The following OR6B1 variants were observed in gnomAD, a reference collection of about 807,000 sequenced individuals.
OR6B1 encodes olfactory receptor 6B1.
Under a neutral mutation model 15.4 loss-of-function variants are expected in OR6B1, and 15 were observed. That is an observed-to-expected ratio of 0.97 (90% CI 0.65 to 1.50). OR6B1 has a LOEUF of 1.50. Among genes scored for constraint, OR6B1 ranks in the 40% most tolerant of loss-of-function variants. OR6B1 has a pLI of 0.00. For missense variants in OR6B1, 384 were observed against 385.0 expected (o/e 1.00, Z 0.02); for synonymous variants, 139 against 144.9 (o/e 0.96, Z 0.29).
At chr7:144,001,209 T>C (rs960614146) in intron 1 of OR6B1, among the ~76,000 whole-genome samples, 1 of 152,214 alleles carries the variant, frequency 6.6e-6, no homozygotes, top group Non-Finnish European at 1.5e-5. Context: ...GTATGCTTAA[T>C]GGAGTAAAAA....
chr7:144,002,797 G>C (rs1289277950), intron 1 of OR6B1, among the ~76,000 whole-genome samples: 1 of 151,922 alleles, frequency 6.6e-6, no homozygotes, highest in African/African-American at 2.4e-5. Flanking sequence ...GCACCTTCTG[G>C]CCCTGGCTTC....
rs1384509516 is a variant in OR6B1 at position 144,008,533 on chromosome 7, T to A, written c.*3601T>A. ...TCTCATCTTGATTGTAATCCCCACA[T>A]ATCAAAAGGGGAACCTGGTGGGAAG... On this transcript the variant is annotated 3_prime_UTR_variant, in exon 2 of 2. Coordinates refer to ENST00000641698, the MANE Select transcript of OR6B1 (RefSeq NM_001005281.3). 6.6e-6 allele frequency: 1 copy of A among 152,168 alleles called. No homozygotes were observed. The highest frequency in any genetic ancestry group is 1.5e-5 in the Non-Finnish European group (1 of 68,068). The allele number at this position is 152,168 out of a possible 1,614,324, so 9.4% of individuals were successfully genotyped here. A position where few individuals can be genotyped will look rare whatever the true frequency, so the allele number is the denominator to read the frequency against.
rs1288961682 is a variant in OR6B1, at chr7:144,007,131, G to A, written c.*2199G>A. 1 of 152,128 alleles carries A rather than the reference G, an allele frequency of 6.6e-6. No homozygotes were observed. The allele number at this position is 152,128 out of a possible 1,614,324, so 9.4% of individuals were successfully genotyped here. On this transcript the variant is annotated 3_prime_UTR_variant, in exon 2 of 2. Transcript: ENST00000641698. Reference sequence around the variant, plus strand: ...TTCTCATGAATATCTTGGAAAGGGAGAATGTAGAAGTAGGGTTTCTTGGGG... The same window carrying A: ...TTCTCATGAATATCTTGGAAAGGGAAAATGTAGAAGTAGGGTTTCTTGGGG...
rs1019754753 is a variant in OR6B1, at chr7:144,007,468, A to T, written c.*2536A>T. ...GAGAACATGCCCTGAAGATTTGATT[A>T]TCACCATCCAAACTCATAAGGAACC... On this transcript the variant is annotated 3_prime_UTR_variant, in exon 2 of 2. Coordinates refer to ENST00000641698, the MANE Select transcript of OR6B1 (RefSeq NM_001005281.3). 3.9e-5 allele frequency: 6 copies of T among 152,176 alleles called. No homozygotes were observed. Among genetic ancestry groups the T allele is most frequent in the African/African-American group, 1.4e-4 (6 of 41,428 alleles). 9.4% of individuals were successfully genotyped at this position (152,176 alleles called of 1,614,324 possible). A position where few individuals can be genotyped will look rare whatever the true frequency, so the allele number is the denominator to read the frequency against.
chr7:144,006,370 C>T lies in OR6B1; in HGVS notation c.*1438C>T, dbSNP rs922441649. The T allele has an allele frequency of 6.6e-6, 1 of 152,058 alleles. No homozygotes were observed. Among genetic ancestry groups the T allele is most frequent in the Non-Finnish European group, 1.5e-5 (1 of 68,012 alleles). 9.4% of individuals were successfully genotyped at this position (152,058 alleles called of 1,614,324 possible). On this transcript the variant is annotated 3_prime_UTR_variant, in exon 2 of 2. Transcript: ENST00000641698. Reference sequence around the variant, plus strand: ...ATAGTTGGAATTATGAATTACTATACCTGCAGAACAGTAATAAAATAAAAA... The same window carrying T: ...ATAGTTGGAATTATGAATTACTATATCTGCAGAACAGTAATAAAATAAAAA...
chr7:144,001,928 T>C (rs1181604603), intron 1 of OR6B1, among the ~76,000 whole-genome samples: 3 of 152,254 alleles, frequency 2.0e-5, no homozygotes, highest in African/African-American at 7.2e-5. Flanking sequence ...TTCATTTCTG[T>C]TATGTGTGTC....
chr7:144,004,947 T>G lies in OR6B1; in HGVS notation c.*15T>G. 6.4e-7 allele frequency: 1 copy of G among 1,562,460 alleles called. No homozygotes were observed. The highest frequency in any genetic ancestry group is 1.2e-5 in the South Asian group (1 of 84,610). On this transcript the variant is annotated 3_prime_UTR_variant, in exon 2 of 2. Transcript: ENST00000641698. The stretch of plus-strand genomic sequence containing the variant: ...GATCTGACTAGTCAATTACAGCTGA[T>G]TAGAAAGAAAGGTCTGAGTGGGTGC...
At chr7:144,001,913 A>G (rs1384355345) in intron 1 of OR6B1, among the ~76,000 whole-genome samples, 1 of 152,188 alleles carries the variant, frequency 6.6e-6, no homozygotes, top group Non-Finnish European at 1.5e-5. Context: ...AAGCATTTCT[A>G]TACATTCATT....
intron 1 of OR6B1, among the ~76,000 whole-genome samples, chr7:144,003,628 G>A (rs2050598708): frequency 6.6e-6 from 1 of 152,134 alleles, no homozygotes; most frequent in Admixed American, 6.5e-5. Context: ...CAATTGTTAG[G>A]TGTCAGATGG....
rs1402998179 is a variant in OR6B1 at position 144,005,164 on chromosome 7, T to A, written c.*232T>A. On this transcript the variant is annotated 3_prime_UTR_variant, in exon 2 of 2. Coordinates refer to ENST00000641698, the MANE Select transcript of OR6B1 (RefSeq NM_001005281.3). ...AGTTCTCAATGGTTGTGACCCCAAA[T>A]GGGGTTTCTAAGACTGTGAGTAAAT... 3 of 463,400 alleles carry A rather than the reference T, an allele frequency of 6.5e-6. No homozygotes were observed. Among genetic ancestry groups the A allele is most frequent in the Non-Finnish European group, 3.8e-6 (1 of 261,548 alleles). The allele number at this position is 463,400 out of a possible 1,614,324, so 28.7% of individuals were successfully genotyped here.
Position 144,005,244 on chromosome 7 carries a change from G to T in OR6B1, c.*312G>T. Reference sequence around the variant, plus strand: ...GGTGATGGGTGAGTTAGCTGTTTTTGGATCTGCCATACACTAATAGCTCTG... The same window carrying T: ...GGTGATGGGTGAGTTAGCTGTTTTTTGATCTGCCATACACTAATAGCTCTG... On this transcript the variant is annotated 3_prime_UTR_variant, in exon 2 of 2. Transcript: ENST00000641698. 1 of 260,920 alleles carries T rather than the reference G, an allele frequency of 3.8e-6. No individual in the cohort carries two copies. 16.2% of individuals were successfully genotyped at this position (260,920 alleles called of 1,614,324 possible).
rs141961528 is a variant in OR6B1, at chr7:144,006,904, G to A, written c.*1972G>A. 6.6e-6 allele frequency: 1 copy of A among 152,176 alleles called. No homozygotes were observed. Among genetic ancestry groups the A allele is most frequent in the Non-Finnish European group, 1.5e-5 (1 of 68,036 alleles). The allele number at this position is 152,176 out of a possible 1,614,324, so 9.4% of individuals were successfully genotyped here. A position where few individuals can be genotyped will look rare whatever the true frequency, so the allele number is the denominator to read the frequency against. ...GAGGATCAACTACCATGATGGAAAAGACATTGATTGTTAAATATCTTGGGC... is the reference window on the plus strand; with the variant it reads ...GAGGATCAACTACCATGATGGAAAAAACATTGATTGTTAAATATCTTGGGC... On this transcript the variant is annotated 3_prime_UTR_variant, in exon 2 of 2. Transcript: ENST00000641698.
chr7:144,001,469 T>C (rs1271679845), intron 1 of OR6B1, among the ~76,000 whole-genome samples: 1 of 152,192 alleles, frequency 6.6e-6, no homozygotes, highest in Non-Finnish European at 1.5e-5. Flanking sequence ...TTTGTGTGTA[T>C]CTTTAAGTGT....
Position 144,004,547 on chromosome 7 carries a change from T to C in OR6B1, c.551T>C (p.Val184Ala), listed in dbSNP as rs199897758. 8.3e-4 allele frequency: 1,332 copies of C among 1,614,102 alleles called. No homozygotes were observed. The highest frequency in any genetic ancestry group is 1.0e-3 in the Non-Finnish European group (1,234 of 1,180,036). Residue 184 changes from valine to alanine, a missense_variant, in exon 2 of 2, where the codon GTA (valine) becomes GCA (alanine). Val to Ala is a moderately conservative substitution (Grantham distance 64, BLOSUM62 0). Transcript: ENST00000641698. ...CACTTCTTCTGTGACATCTCTCCAG[T>C]ACTTAATCTCTCCTGCACAGACATG... ...INHFFCDISP[V>A]LNLSCTDMSI...
intron 1 of OR6B1, 157 bp from the exon 2 acceptor site, chr7:144,003,815 A>C: frequency 7.0e-6 from 4 of 569,576 alleles, no homozygotes; most frequent in Non-Finnish European, 6.2e-6. Flanking sequence ...ACACACGGCT[A>C]TGTGGAAATT....
chr7:144,004,330 T>C lies in OR6B1; in HGVS notation c.334T>C (p.Cys112Arg), dbSNP rs2050606434. Residue 112 changes from cysteine (C) to arginine (R), a missense_variant, in exon 2 of 2, where the codon TGT becomes CGT. Physicochemically the swap from Cys to Arg is radical, Grantham distance 180. Coordinates refer to ENST00000641698, the MANE Select transcript of OR6B1 (RefSeq NM_001005281.3). ...YFFIALMCTE[C>R]VLLAAMAYDR... is the part of the protein sequence containing the mutation. The stretch of plus-strand genomic sequence containing the variant: ...CTTCATTGCTCTCATGTGCACAGAA[T>C]GTGTGCTTCTGGCCGCCATGGCCTA... The C allele has an allele frequency of 3.7e-6, 6 of 1,614,234 alleles. No individual in the cohort carries two copies. The highest frequency in any genetic ancestry group is 5.1e-6 in the Non-Finnish European group (6 of 1,180,022).
In OR6B1 at chr7:144,004,392, C is replaced by T. The variant is rs779062856; in HGVS notation, c.396C>T (p.Tyr132=). Residue 132 remains tyrosine, a synonymous_variant, in exon 2 of 2, where the codon TAC becomes TAT. Coordinates refer to ENST00000641698, the MANE Select transcript of OR6B1 (RefSeq NM_001005281.3). ...RYVAICRPLH[Y]PTIMSHGLCF... ...TGGCCATCTGTCGCCCACTCCACTA[C>T]CCAACCATAATGAGCCATGGGCTCT... is the stretch of plus-strand genomic sequence containing the variant. 1.1e-5 allele frequency: 17 copies of T among 1,614,092 alleles called. No individual in the cohort carries two copies. Among genetic ancestry groups the T allele is most frequent in the Admixed American group, 8.3e-5 (5 of 60,008 alleles).
chr7:144,008,566 A>G lies in OR6B1; in HGVS notation c.*3634A>G, dbSNP rs1279054747. ...GGGGAACCTGGTGGGAAGTGATTGC[A>G]TCATGGGGGTGGTTCCCCCATGCTG... On this transcript the variant is annotated 3_prime_UTR_variant, in exon 2 of 2. Coordinates refer to ENST00000641698, the MANE Select transcript of OR6B1 (RefSeq NM_001005281.3). The G allele has an allele frequency of 6.6e-6, 1 of 152,232 alleles. No homozygotes were observed. Among genetic ancestry groups the G allele is most frequent in the Admixed American group, 6.5e-5 (1 of 15,286 alleles). 9.4% of individuals were successfully genotyped at this position (152,232 alleles called of 1,614,324 possible). A position where few individuals can be genotyped will look rare whatever the true frequency, so the allele number is the denominator to read the frequency against.
intron 1 of OR6B1, among the ~76,000 whole-genome samples, 180 bp downstream of exon 1, chr7:144,000,830 T>G (rs1295267317): frequency 6.6e-6 from 1 of 152,198 alleles, no homozygotes; most frequent in Non-Finnish European, 1.5e-5. Context: ...GTGCAGCCAG[T>G]TATGCAGTGA....
Sources: allele counts gnomAD v4.1 joint callset (sites outside exome capture counted in the v4.1 genomes callset), GRCh38; gene constraint gnomAD v4.1.1; transcripts MANE v1.5; gene names NCBI Gene and HGNC (gene_info 2026-07-23, HGNC 2026-07-21).